CTNNA3: variants seen among roughly 807,000 people sequenced by gnomAD.
The protein encoded by CTNNA3 is catenin alpha-3.
Under a neutral mutation model 95.7 loss-of-function variants are expected in CTNNA3, and 76 were observed. The ratio of observed to expected loss-of-function variants is 0.79; its 90% CI spans 0.66 to 0.96. The LOEUF (loss-of-function observed/expected upper bound fraction) is 0.96, where lower values mean the gene tolerates loss of function less well. CTNNA3 is among the 40% of genes least tolerant of loss of function. CTNNA3 has a pLI of 0.00. For missense variants in CTNNA3, 1,191 were observed against 1,089.8 expected, an observed-to-expected ratio of 1.09 and a Z score of -1.31; for synonymous variants, 431 against 374.4, an observed-to-expected ratio of 1.15 and a Z score of -1.74.
intron 12 of CTNNA3, among the ~76,000 whole-genome samples, chr10:66,325,408 C>A (rs1026086426): frequency 6.6e-6 from 1 of 152,020 alleles, no homozygotes; most frequent in Non-Finnish European, 1.5e-5. Context: ...GAAAAAATAA[C>A]GTGCTTCTTT....
chr10:67,682,332 A>AC lies in CTNNA3; in HGVS notation c.-6+13667_-6+13668insG, dbSNP rs75255020. Among the ~76,000 whole-genome samples the AC allele has an allele frequency of 0.033, 5,005 of 152,056 alleles. 599 individuals are homozygous for AC. In the East Asian group the frequency reaches 0.43, roughly 13 times the overall value. ...ACAGAGCGAGACTCTATCTCAAAAAAAAAAAAAGACTCAATAGAAAAAATT... is the reference window on the plus strand; with the variant it reads ...ACAGAGCGAGACTCTATCTCAAAAAACAAAAAAAGACTCAATAGAAAAAATT... On this transcript the variant is annotated intron_variant, in intron 1 of 17. Coordinates refer to ENST00000433211, the MANE Select transcript of CTNNA3 (RefSeq NM_013266.4).
rs890755742 is a variant in CTNNA3, at chr10:66,617,441, C to A, written c.1374+4251G>T. On this transcript the variant is annotated intron_variant, in intron 10 of 17. Transcript: ENST00000433211. ...CAATAAATGTAATCCAGCATATAAA[C>A]AGAACCAAAGACAAAAACCACATGA... 3.3e-5 allele frequency among the ~76,000 whole-genome samples: 5 copies of A among 152,076 alleles called. No homozygotes were observed. In the East Asian group the frequency reaches 9.7e-4, roughly 29 times the overall value.
chr10:67,292,586 A>T lies in CTNNA3; in HGVS notation c.580-72716T>A, dbSNP rs1472914100. ...TCCCCCTCCCATTTTTATATCTATA[A>T]ACTCCTACTTGGCTATTTTCTTTGA... On this transcript the variant is annotated intron_variant, in intron 5 of 17. Transcript: ENST00000433211. 2.6e-5 allele frequency among the ~76,000 whole-genome samples: 4 copies of T among 152,096 alleles called. No homozygotes were observed. The East Asian group carries it at 7.7e-4, about 29-fold the overall frequency.
chr10:66,735,708 C>T lies in CTNNA3; in HGVS notation c.1281+30556G>A, dbSNP rs1250149114. On this transcript the variant is annotated intron_variant, in intron 9 of 17. Transcript: ENST00000433211. ...GCTTTTATCTCCATCATTGTCTTTC[C>T]TCCATTTTCTTCTACTTTTTTAATT... Among the ~76,000 whole-genome samples the T allele has an allele frequency of 2.6e-5, 4 of 152,018 alleles. No individual in the cohort carries two copies. In the South Asian group the frequency reaches 6.2e-4, roughly 24 times the overall value.
chr10:66,697,418 G>GA (rs35710797), intron 9 of CTNNA3, among the ~76,000 whole-genome samples: 26,883 of 150,898 alleles, frequency 0.18, 3,040 homozygotes, highest in East Asian at 0.33. Context: ...TAAACTTTGG[G>GA]AAAAAAATTT....
At chr10:66,978,882 T>A (rs1850236455) in intron 7 of CTNNA3, among the ~76,000 whole-genome samples, 1 of 151,398 alleles carries the variant, frequency 6.6e-6, no homozygotes, top group Non-Finnish European at 1.5e-5. Flanking sequence ...CAAAGCCTAT[T>A]ATTTGAAGGA....
rs1394238577 is a variant in CTNNA3, at chr10:67,198,790, A to G, written c.844-18270T>C. On this transcript the variant is annotated intron_variant, in intron 6 of 17. Transcript: ENST00000433211. ...ACTGTTTGGATCTTTTTGCTTTGCT[A>G]GTTATGTAATGACATACACAAAAGT... 6.6e-5 allele frequency among the ~76,000 whole-genome samples: 10 copies of G among 152,170 alleles called. No homozygotes were observed. In the South Asian group the frequency reaches 2.1e-3, roughly 31 times the overall value.
At chr10:66,380,505 G>T (rs1020131492) in intron 11 of CTNNA3, among the ~76,000 whole-genome samples, 2 of 151,806 alleles carry the variant, frequency 1.3e-5, no homozygotes, top group East Asian at 1.9e-4. Flanking sequence ...TTACTTGGGA[G>T]GCTGAGGTGG....
At chr10:66,085,395 C>A (rs1001577865) in intron 14 of CTNNA3, among the ~76,000 whole-genome samples, 1 of 152,038 alleles carries the variant, frequency 6.6e-6, no homozygotes. Context: ...CATTCAATCA[C>A]CTGGACCACA....
intron 17 of CTNNA3, among the ~76,000 whole-genome samples, chr10:65,961,126 C>T (rs771368615): frequency 3.7e-4 from 57 of 152,014 alleles, no homozygotes; most frequent in Non-Finnish European, 6.3e-4. Context: ...ATTACTGCCA[C>T]TTTAGGCAGT....
At chr10:66,309,856 G>A (rs2091987651) in intron 12 of CTNNA3, among the ~76,000 whole-genome samples, 2 of 150,258 alleles carry the variant, frequency 1.3e-5, no homozygotes, top group Admixed American at 1.3e-4. Context: ...TCAGGAGTTC[G>A]AGACCAGCCT....
intron 7 of CTNNA3, among the ~76,000 whole-genome samples, chr10:66,879,132 T>G (rs1278447419): frequency 6.6e-6 from 1 of 152,070 alleles, no homozygotes; most frequent in Non-Finnish European, 1.5e-5. Flanking sequence ...GTTCTAGGAT[T>G]TGAACCCACA....
intron 7 of CTNNA3, among the ~76,000 whole-genome samples, chr10:67,022,948 T>C (rs1232935610): frequency 1.3e-5 from 2 of 151,750 alleles, no homozygotes; most frequent in African/African-American, 2.4e-5. Flanking sequence ...AAAAAATAAA[T>C]AAATAAATAA....
At chr10:67,114,975 T>C (rs547687878) in intron 7 of CTNNA3, among the ~76,000 whole-genome samples, 2 of 152,088 alleles carry the variant, frequency 1.3e-5, no homozygotes, top group Non-Finnish European at 2.9e-5. Context: ...ACCCCAGAAA[T>C]GGGATTATGT....
chr10:67,239,435 C>T (rs1865631672), intron 5 of CTNNA3, among the ~76,000 whole-genome samples: 1 of 150,766 alleles, frequency 6.6e-6, no homozygotes, highest in South Asian at 2.1e-4. Flanking sequence ...AGTTCATACT[C>T]AGGCAAAAGT....
chr10:67,663,872 TGA>T (rs1034170216), intron 1 of CTNNA3, among the ~76,000 whole-genome samples: 2 of 152,154 alleles, frequency 1.3e-5, no homozygotes, highest in African/African-American at 4.8e-5. Flanking sequence ...CCCAGTTTAG[TGA>T]GTACAAGGCC....
Position 67,522,189 on chromosome 10 carries a change from C to T in CTNNA3, c.460-228G>A, listed in dbSNP as rs1294181472. Among the ~76,000 whole-genome samples the T allele has an allele frequency of 5.3e-5, 8 of 152,196 alleles. No homozygotes were observed. In the South Asian group the frequency reaches 1.7e-3, roughly 32 times the overall value. The stretch of plus-strand genomic sequence containing the variant: ...TTACTGCATGCATGAGAAGCCTGTT[C>T]AGTCCTCATTCTAACAAAAGAGCAT... On this transcript the variant is annotated intron_variant, in intron 4 of 17. Coordinates refer to ENST00000433211, the MANE Select transcript of CTNNA3 (RefSeq NM_013266.4).
At chr10:67,551,632 C>T (rs1254295787) in intron 3 of CTNNA3, among the ~76,000 whole-genome samples, 2 of 152,208 alleles carry the variant, frequency 1.3e-5, no homozygotes, top group African/African-American at 4.8e-5. Flanking sequence ...ACATTCGCCC[C>T]TAGACACTGT....
At chr10:66,879,277 G>A (rs1417708441) in intron 7 of CTNNA3, among the ~76,000 whole-genome samples, 2 of 152,036 alleles carry the variant, frequency 1.3e-5, no homozygotes, top group Non-Finnish European at 2.9e-5. Context: ...GGCCATTAAT[G>A]AAAAGACTTT....
Sources: gnomAD v4.1 joint callset for allele counts (sites outside exome capture counted in the v4.1 genomes callset) on GRCh38, gnomAD v4.1.1 for gene constraint, MANE v1.5 for transcripts, NCBI Gene and HGNC (gene_info 2026-07-23, HGNC 2026-07-21) for gene names.